The following CMIP variants were observed in gnomAD, a reference collection of about 807,000 sequenced individuals.
The protein encoded by CMIP is C-Maf-inducing protein.
Under a neutral mutation model 97.3 loss-of-function variants are expected in CMIP, and 13 were observed. The observed-to-expected ratio is 0.13, with a 90% CI of 0.09 to 0.21. CMIP has a LOEUF of 0.21. CMIP is among the 10% of genes least tolerant of loss of function. CMIP has a pLI of 1.00. For synonymous variants in CMIP, 538 were observed against 436.3 expected (o/e 1.23, Z -2.91); for missense variants, 847 against 1,024.9 (o/e 0.83, Z 2.37).
At chr16:81,496,046 G>C (rs1237009943) in intron 1 of CMIP, among the ~76,000 whole-genome samples, 1 of 152,140 alleles carries the variant, frequency 6.6e-6, no homozygotes, top group Non-Finnish European at 1.5e-5. Context: ...AGTGAGCCAG[G>C]GACCGAGGGT....
chr16:81,447,045 C>CACAG (rs1357757911), intron 1 of CMIP, among the ~76,000 whole-genome samples: 1 of 152,142 alleles, frequency 6.6e-6, no homozygotes, highest in African/African-American at 2.4e-5. Context: ...TTCTCAAGCC[C>CACAG]GTCCCGCGCC....
chr16:81,639,781 A>ACAC (rs2092281899), intron 3 of CMIP, among the ~76,000 whole-genome samples: 1 of 152,136 alleles, frequency 6.6e-6, no homozygotes, highest in East Asian at 1.9e-4. Flanking sequence ...CCTGCCCCCA[A>ACAC]CACCAGTCTG....
intron 3 of CMIP, among the ~76,000 whole-genome samples, chr16:81,638,955 T>A (rs34872564): frequency 0.038 from 5,845 of 152,222 alleles, 145 homozygotes; most frequent in Middle Eastern, 0.082. Context: ...TCCACTGCAC[T>A]CAGTTTTCCT....
chr16:81,584,682 A>G (rs557018040), intron 1 of CMIP, among the ~76,000 whole-genome samples: 1 of 152,200 alleles, frequency 6.6e-6, no homozygotes, highest in Non-Finnish European at 1.5e-5. Flanking sequence ...ACATCAAACT[A>G]GCCCGGCGCC....
At chr16:81,552,963 G>A (rs573546721) in intron 1 of CMIP, among the ~76,000 whole-genome samples, 1 of 152,354 alleles carries the variant, frequency 6.6e-6, no homozygotes, top group East Asian at 1.9e-4. Flanking sequence ...AGTGCAGGGG[G>A]TTTGGGAGTC....
intron 7 of CMIP, chr16:81,665,940 G>C (rs1481093319): frequency 6.6e-6 from 1 of 152,162 alleles, no homozygotes; most frequent in Non-Finnish European, 1.5e-5. Context: ...TCTACCCTAA[G>C]CGATTGCAAA....
At chr16:81,487,920 A>G (rs1482247668) in intron 1 of CMIP, among the ~76,000 whole-genome samples, 1 of 152,182 alleles carries the variant, frequency 6.6e-6, no homozygotes, top group Non-Finnish European at 1.5e-5. Flanking sequence ...CGATCTTCGA[A>G]TGCCTCTTCT....
chr16:81,698,132 G>A (rs1906969676), intron 14 of CMIP: 1 of 152,166 alleles, frequency 6.6e-6, no homozygotes, highest in South Asian at 2.1e-4. Context: ...ACACAAGGAA[G>A]GAAGCAGGCA....
intron 1 of CMIP, among the ~76,000 whole-genome samples, chr16:81,513,187 G>A (rs1567552296): frequency 6.6e-6 from 1 of 152,196 alleles, no homozygotes; most frequent in Non-Finnish European, 1.5e-5. Context: ...TAGGTTGGAA[G>A]ATTCTCCCCC....
At chr16:81,612,418 G>A (rs2091846977) in intron 2 of CMIP, among the ~76,000 whole-genome samples, 1 of 152,194 alleles carries the variant, frequency 6.6e-6, no homozygotes. Context: ...CCAAACATTG[G>A]CAGCAGGGCA....
rs765150053 is a variant in CMIP at position 81,614,324 on chromosome 16, G to C, written c.427-6552G>C. Among the ~76,000 whole-genome samples, 2 of 152,228 alleles carry C rather than the reference G, an allele frequency of 1.3e-5. No individual in the cohort carries two copies. Among genetic ancestry groups the C allele is most frequent in the Non-Finnish European group, 2.9e-5 (2 of 68,032 alleles). On this transcript the variant is annotated intron_variant, in intron 2 of 20. Transcript: ENST00000537098. This position sits in a 1 kb window ranked among gnomAD's most constrained non-coding sequence, Gnocchi z 5.3. ...CACGGCATTGTTTCTAACTTGTGCT[G>C]TGTGTCCACCATGGGCCAGTGGGGG... is the stretch of plus-strand genomic sequence containing the variant.
chr16:81,708,707 C>G (rs1908431210), intron 20 of CMIP, among the ~76,000 whole-genome samples: 1 of 152,178 alleles, frequency 6.6e-6, no homozygotes, highest in Non-Finnish European at 1.5e-5. Context: ...TCCCATTTTT[C>G]AAGAGAACCT....
At chr16:81,615,101 G>A (rs2091893301) in intron 2 of CMIP, among the ~76,000 whole-genome samples, 1 of 147,400 alleles carries the variant, frequency 6.8e-6, no homozygotes, top group Non-Finnish European at 1.5e-5. Flanking sequence ...TGTATGAGGT[G>A]TGTATGGTAT....
intron 16 of CMIP, among the ~76,000 whole-genome samples, chr16:81,702,067 A>T (rs906951351): frequency 6.6e-6 from 1 of 152,150 alleles, no homozygotes; most frequent in Non-Finnish European, 1.5e-5. Flanking sequence ...CTTCCATTTC[A>T]GTACATGGGG....
intron 1 of CMIP, among the ~76,000 whole-genome samples, chr16:81,542,391 G>A (rs144769891): frequency 7.9e-5 from 12 of 152,306 alleles, no homozygotes; most frequent in African/African-American, 2.4e-4. Context: ...GTGAGGCACC[G>A]AGGGTGGGAG....
In CMIP at chr16:81,700,740, C is replaced by T. The variant is rs112040710; in HGVS notation, c.1756-920C>T. On this transcript the variant is annotated intron_variant, in intron 15 of 20. Coordinates refer to ENST00000537098, the MANE Select transcript of CMIP (RefSeq NM_198390.3). ...AGCTGAGCAGGCTGTGGGGACATCC[C>T]GGGCGGAGGCTTGCTGGAGGCCAGG... 2.0e-4 allele frequency among the ~76,000 whole-genome samples: 30 copies of T among 152,242 alleles called. 1 individual carries two copies. The highest frequency in any genetic ancestry group is 6.3e-4 in the African/African-American group (26 of 41,542).
chr16:81,499,243 T>C (rs542354469), intron 1 of CMIP, among the ~76,000 whole-genome samples: 3 of 152,254 alleles, frequency 2.0e-5, no homozygotes, highest in Admixed American at 6.5e-5. Flanking sequence ...TATACACATA[T>C]GGCCATGAGC....
At chr16:81,544,376 C>A (rs1397964885) in intron 1 of CMIP, among the ~76,000 whole-genome samples, 1 of 152,120 alleles carries the variant, frequency 6.6e-6, no homozygotes, top group East Asian at 1.9e-4. Context: ...CACGTGAGGG[C>A]ATTATTTTGA....
chr16:81,675,069 G>A (rs1904287482), intron 9 of CMIP, among the ~76,000 whole-genome samples: 1 of 152,198 alleles, frequency 6.6e-6, no homozygotes, highest in African/African-American at 2.4e-5. Flanking sequence ...GAGCGTTGGG[G>A]AGGTGATATT....
Sources: allele counts gnomAD v4.1 joint callset (sites outside exome capture counted in the v4.1 genomes callset), GRCh38; gene constraint gnomAD v4.1.1; non-coding constraint Gnocchi (gnomAD v3.1); transcripts MANE v1.5; gene names NCBI Gene and HGNC (gene_info 2026-07-23, HGNC 2026-07-21).